KCNMA1: variants seen among roughly 807,000 people sequenced by gnomAD.
KCNMA1 encodes potassium calcium-activated channel subfamily M alpha 1.
A neutral mutation model predicts 140.0 loss-of-function variants in KCNMA1; 29 were observed. The observed-to-expected ratio is 0.21, with a 90% CI of 0.15 to 0.28. The LOEUF (loss-of-function observed/expected upper bound fraction) is 0.28. KCNMA1 is among the 10% of genes least tolerant of loss of function. The pLI is 1.00. For missense variants in KCNMA1, 880 were observed against 1,602.2 expected (o/e 0.55, Z 7.70); for synonymous variants, 612 against 611.9 (o/e 1.00, Z 0.00).
intron 26 of KCNMA1, 38 bp downstream of exon 26, chr10:76,891,487 A>T (rs763537656): frequency 2.6e-6 from 4 of 1,565,496 alleles, no homozygotes; most frequent in Non-Finnish European, 3.5e-6. Context: ...GCTTTTCCCA[A>T]ACAGCAAGCT....
chr10:77,069,237 C>G (rs536858687), intron 14 of KCNMA1, among the ~76,000 whole-genome samples: 1 of 152,266 alleles, frequency 6.6e-6, no homozygotes, highest in South Asian at 2.1e-4. Context: ...GGCAAATGAA[C>G]AGCATGTTCC....
At chr10:77,309,066 C>A (rs571255241) in intron 2 of KCNMA1, among the ~76,000 whole-genome samples, 3 of 152,202 alleles carry the variant, frequency 2.0e-5, no homozygotes, top group Non-Finnish European at 4.4e-5. Context: ...ACAGTATTTT[C>A]GCCATCTGGG....
intron 1 of KCNMA1, among the ~76,000 whole-genome samples, chr10:77,605,207 C>A (rs1325863073): frequency 6.6e-6 from 1 of 152,218 alleles, no homozygotes; most frequent in Non-Finnish European, 1.5e-5. Context: ...GTAAGAAGGG[C>A]CCTGTGTTGG....
intron 1 of KCNMA1, among the ~76,000 whole-genome samples, chr10:77,537,127 T>C (rs2059079129): frequency 1.3e-5 from 2 of 151,334 alleles, no homozygotes; most frequent in South Asian, 4.2e-4. Context: ...CCAGGGGGAG[T>C]ACATAGAGCC....
intron 19 of KCNMA1, among the ~76,000 whole-genome samples, chr10:76,992,957 C>T (rs2083209864): frequency 6.6e-6 from 1 of 152,144 alleles, no homozygotes; most frequent in Admixed American, 6.5e-5. Flanking sequence ...TTCCCCCCAT[C>T]GATGTAAGGA....
intron 5 of KCNMA1, among the ~76,000 whole-genome samples, chr10:77,172,659 T>A (rs2098717680): frequency 1.3e-5 from 2 of 149,936 alleles, no homozygotes; most frequent in South Asian, 4.3e-4. Context: ...GCAATGCTAT[T>A]CATAAGGTGT....
chr10:76,903,475 T>C (rs1278338214), intron 25 of KCNMA1: 1 of 152,172 alleles, frequency 6.6e-6, no homozygotes, highest in African/African-American at 2.4e-5. Context: ...GATTTTTTTT[T>C]CCCTACCCCA....
At chr10:77,347,435 G>C (rs1166274831) in intron 2 of KCNMA1, among the ~76,000 whole-genome samples, 1 of 152,212 alleles carries the variant, frequency 6.6e-6, no homozygotes, top group Admixed American at 6.5e-5. Context: ...AATCCAAGTG[G>C]AAGGTGCCTC....
intron 1 of KCNMA1, among the ~76,000 whole-genome samples, chr10:77,450,941 T>C (rs583510): frequency 0.33 from 50,785 of 152,092 alleles, 10,020 homozygotes; most frequent in Non-Finnish European, 0.44. Context: ...TGAGATCTGA[T>C]GGTTTTATTA....
chr10:76,914,487 T>G lies in KCNMA1; in HGVS notation c.3016+449A>C, dbSNP rs1275348445. Reference sequence around the variant, plus strand: ...AAGTTATTACACATTAGCCCAGGGCTTCTACCTTGTTCCCAAAATGGGTTT... The same window carrying G: ...AAGTTATTACACATTAGCCCAGGGCGTCTACCTTGTTCCCAAAATGGGTTT... On this transcript the variant is annotated intron_variant, in intron 24 of 27. Transcript: ENST00000286628. 6 of 359,468 alleles carry G rather than the reference T, an allele frequency of 1.7e-5. No homozygotes were observed. In the Admixed American group the frequency reaches 2.7e-4, roughly 16 times the overall value. The allele number at this position is 359,468 out of a possible 1,614,324, so 22.3% of individuals were successfully genotyped here.
chr10:77,203,044 G>C (rs2042950128), intron 3 of KCNMA1, among the ~76,000 whole-genome samples: 1 of 152,190 alleles, frequency 6.6e-6, no homozygotes, highest in Admixed American at 6.5e-5. Flanking sequence ...TGTCACTGCT[G>C]TTAACCTGAC....
intron 1 of KCNMA1, among the ~76,000 whole-genome samples, chr10:77,507,083 T>C (rs187759209): frequency 6.6e-6 from 1 of 152,310 alleles, no homozygotes; most frequent in East Asian, 1.9e-4. Flanking sequence ...GTGCTCTGTT[T>C]CCCAAATGGG....
intron 14 of KCNMA1, among the ~76,000 whole-genome samples, chr10:77,055,083 T>C (rs1224171546): frequency 1.3e-5 from 2 of 152,166 alleles, no homozygotes; most frequent in East Asian, 1.9e-4. Flanking sequence ...AGGGCAAACA[T>C]AGCATATGGC....
chr10:77,103,782 T>C (rs544309907), intron 9 of KCNMA1, among the ~76,000 whole-genome samples: 1 of 152,302 alleles, frequency 6.6e-6, no homozygotes, highest in African/African-American at 2.4e-5. Context: ...CCCCTCTCCA[T>C]CTTTTTCCCC....
chr10:77,108,063 C>G lies in KCNMA1; in HGVS notation c.1223+418G>C, dbSNP rs142645816. 8.4e-4 allele frequency among the ~76,000 whole-genome samples: 128 copies of G among 152,264 alleles called. No individual in the cohort carries two copies. Among genetic ancestry groups the G allele is most frequent in the Non-Finnish European group, 1.7e-3 (113 of 68,032 alleles). On this transcript the variant is annotated intron_variant, in intron 9 of 27. Transcript: ENST00000286628. This position sits in a 1 kb window ranked among gnomAD's most constrained non-coding sequence, Gnocchi z 4.6. ...TATGGGCCCAGTTATAAATGGACTC[C>G]TTTCAGGATAAATTCATTACATCTC...
At chr10:77,365,896 C>G (rs536549802) in intron 2 of KCNMA1, among the ~76,000 whole-genome samples, 2 of 152,160 alleles carry the variant, frequency 1.3e-5, no homozygotes, top group Non-Finnish European at 2.9e-5. Flanking sequence ...CTCCCAGGGT[C>G]TCAGTTATAC....
In KCNMA1 at chr10:77,448,679, AT is replaced by A. The variant is rs1486527265; in HGVS notation, c.379-44657del. 3.9e-5 allele frequency among the ~76,000 whole-genome samples: 6 copies of A among 152,300 alleles called. No individual in the cohort carries two copies. The South Asian group carries it at 6.2e-4, about 16-fold the overall frequency. On this transcript the variant is annotated intron_variant, in intron 1 of 27. Transcript: ENST00000286628. Reference sequence around the variant, plus strand: ...TACTTCTGTATTATTTGAAATTTTTATCAATAGTATATTTTCTTGTATTACT... The same window carrying A: ...TACTTCTGTATTATTTGAAATTTTTACAATAGTATATTTTCTTGTATTACT...
intron 5 of KCNMA1, among the ~76,000 whole-genome samples, chr10:77,168,633 A>C (rs1038573163): frequency 1.3e-5 from 2 of 152,246 alleles, no homozygotes; most frequent in Admixed American, 6.5e-5. Flanking sequence ...TGACAGAAAC[A>C]TTATGTAGCA....
intron 1 of KCNMA1, among the ~76,000 whole-genome samples, chr10:77,482,602 C>T (rs975973984): frequency 1.3e-5 from 2 of 152,110 alleles, no homozygotes; most frequent in African/African-American, 4.8e-5. Context: ...CTTTTGCCTG[C>T]CCCTTCCAGC....
Sources: gnomAD v4.1 joint callset for allele counts (sites outside exome capture counted in the v4.1 genomes callset) on GRCh38, gnomAD v4.1.1 for gene constraint, Gnocchi (gnomAD v3.1) non-coding constraint, MANE v1.5 for transcripts, NCBI Gene and HGNC (gene_info 2026-07-23, HGNC 2026-07-21) for gene names.